The following PTDSS2 variants were observed in gnomAD, a reference collection of about 807,000 sequenced individuals.
The protein encoded by PTDSS2 is PSS-2.
A neutral mutation model predicts 64.7 loss-of-function variants in PTDSS2; 41 were observed. The observed-to-expected ratio is 0.63, with a 90% CI of 0.49 to 0.82. The LOEUF is 0.82. Among genes scored for constraint, PTDSS2 ranks in the 40% least tolerant of loss-of-function variants. The pLI is 0.00. For synonymous variants in PTDSS2, 297 were observed against 277.8 expected, an observed-to-expected ratio of 1.07 and a Z score of -0.69; for missense variants, 485 against 650.0, an observed-to-expected ratio of 0.75 and a Z score of 2.76.
At position 461,688 on chromosome 11, in the gene PTDSS2, C is replaced by T. The variant is rs1311369761; in HGVS notation, c.284+1400C>T. On this transcript the variant is annotated intron_variant, in intron 2 of 11. Transcript: ENST00000308020. The surrounding 1 kb of genome is among the most constrained non-coding windows in gnomAD (Gnocchi z 4.2). ...AGCTTGCTCCCAGGCCTGGCCTGGCCAGTGCCTCCCGTGCTCCAGGCCCAG... is the reference window on the plus strand; with the variant it reads ...AGCTTGCTCCCAGGCCTGGCCTGGCTAGTGCCTCCCGTGCTCCAGGCCCAG... Among the ~76,000 whole-genome samples, 1 of 151,882 alleles carries T rather than the reference C, an allele frequency of 6.6e-6. No homozygotes were observed. Among genetic ancestry groups the T allele is most frequent in the African/African-American group, 2.4e-5 (1 of 41,368 alleles).
At chr11:484,677 C>T (rs1848218750) in intron 4 of PTDSS2, among the ~76,000 whole-genome samples, 1 of 146,422 alleles carries the variant, frequency 6.8e-6, no homozygotes, top group Non-Finnish European at 1.5e-5. Flanking sequence ...CTGTAAACTG[C>T]ACGGGCGTGT....
intron 2 of PTDSS2, among the ~76,000 whole-genome samples, chr11:468,921 G>A (rs1404197216): frequency 6.7e-6 from 1 of 148,606 alleles, no homozygotes; most frequent in Non-Finnish European, 1.5e-5. Flanking sequence ...GAGGAGGGGA[G>A]TCTCTGGGTA....
At chr11:467,238 G>A (rs908447806) in intron 2 of PTDSS2, among the ~76,000 whole-genome samples, 2 of 152,188 alleles carry the variant, frequency 1.3e-5, no homozygotes, top group African/African-American at 4.8e-5. Context: ...ATGTTCACCA[G>A]GGAAGTTATT....
chr11:486,877 T>C lies in PTDSS2; in HGVS notation c.436-62T>C. 4 of 1,536,348 alleles carry C rather than the reference T, an allele frequency of 2.6e-6. No homozygotes were observed. In the East Asian group the frequency reaches 6.9e-5, roughly 26 times the overall value. Reference sequence around the variant, plus strand: ...AAATAAAATAAATAAACAACCATGATCTCCCGTTTCAAGTTGCCACCACTA... The same window carrying C: ...AAATAAAATAAATAAACAACCATGACCTCCCGTTTCAAGTTGCCACCACTA... On this transcript the variant is annotated intron_variant, in intron 4 of 11. Transcript: ENST00000308020.
In PTDSS2 at chr11:462,773, A is replaced by C. The variant is rs951934371; in HGVS notation, c.284+2485A>C. ...GTGTCCGCACACAGGGTGCCCACACACAGGGTGTCCCCACACAGGGTGTCC... is the reference window on the plus strand; with the variant it reads ...GTGTCCGCACACAGGGTGCCCACACCCAGGGTGTCCCCACACAGGGTGTCC... On this transcript the variant is annotated intron_variant, in intron 2 of 11. Transcript: ENST00000308020. This position sits in a 1 kb window ranked among gnomAD's most constrained non-coding sequence, Gnocchi z 4.5. Among the ~76,000 whole-genome samples the C allele has an allele frequency of 6.6e-6, 1 of 152,074 alleles. No individual in the cohort carries two copies. Among genetic ancestry groups the C allele is most frequent in the African/African-American group, 2.4e-5 (1 of 41,416 alleles).
intron 1 of PTDSS2, among the ~76,000 whole-genome samples, chr11:454,465 A>AGT (rs1846491733): frequency 6.6e-6 from 1 of 152,094 alleles, no homozygotes; most frequent in South Asian, 2.1e-4. Context: ...ACAAGGAGTG[A>AGT]GTGTTGGGTT....
At chr11:486,127 C>T (rs1848366061) in intron 4 of PTDSS2, among the ~76,000 whole-genome samples, 1 of 152,196 alleles carries the variant, frequency 6.6e-6, no homozygotes, top group Admixed American at 6.5e-5. Context: ...GCTGTGAGCA[C>T]AGGTGTCTGT....
At chr11:487,679 G>A (rs1848456177) in intron 6 of PTDSS2, among the ~76,000 whole-genome samples, 1 of 152,168 alleles carries the variant, frequency 6.6e-6, no homozygotes, top group Non-Finnish European at 1.5e-5. Context: ...TCCGTCCTCA[G>A]GGTCGGGGCG....
intron 1 of PTDSS2, among the ~76,000 whole-genome samples, chr11:452,736 T>C (rs1846397250): frequency 6.6e-6 from 1 of 152,124 alleles, no homozygotes; most frequent in African/African-American, 2.4e-5. Context: ...TTCACGCTTC[T>C]GGGTGGCAGG....
chr11:490,773 T>TGTGTACGTGTGTATGC lies in PTDSS2; in HGVS notation c.*196_*211dup, dbSNP rs1223116759. On this transcript the variant is annotated 3_prime_UTR_variant, in exon 12 of 12. Transcript: ENST00000308020. ...ACAGCCTCATCTCCATGTGTACACG[T>TGTGTACGTGTGTATGC]GTGTACGTGTGTATGCGTGTGTGTA... The TGTGTACGTGTGTATGC allele has an allele frequency of 4.8e-6, 3 of 618,934 alleles. No homozygotes were observed. The highest frequency in any genetic ancestry group is 8.5e-6 in the Non-Finnish European group (3 of 354,540). 38.3% of individuals were successfully genotyped at this position (618,934 alleles called of 1,614,324 possible).
intron 1 of PTDSS2, among the ~76,000 whole-genome samples, chr11:457,114 A>C (rs1846631210): frequency 1.3e-5 from 2 of 152,214 alleles, no homozygotes; most frequent in African/African-American, 4.8e-5. Context: ...CCCACATGGC[A>C]AGACCCCATC....
At chr11:455,130 G>A (rs1305679099) in intron 1 of PTDSS2, among the ~76,000 whole-genome samples, 1 of 152,152 alleles carries the variant, frequency 6.6e-6, no homozygotes, top group Admixed American at 6.5e-5. Flanking sequence ...GTTTCCTGCT[G>A]GTCTCTTGCA....
At position 488,212 on chromosome 11, in the gene PTDSS2, G is replaced by A. The variant is rs1188120604; in HGVS notation, c.635G>A (p.Arg212Gln). ...LGWYLKTLMIRDWWMCMIISV... is the reference protein window; with the variant it reads ...LGWYLKTLMIQDWWMCMIISV... ...TGGCGCCCACAGACCCTGATGATCC[G>A]AGACTGGTGGATGTGCATGATCATC... The change falls in exon 7 of 12, where the codon CGA becomes CAA. Residue 212 changes from arginine to glutamine, a missense_variant. Arg to Gln is a conservative substitution (Grantham distance 43, BLOSUM62 1). Transcript: ENST00000308020. 7 of 1,612,950 alleles carry A rather than the reference G, an allele frequency of 4.3e-6. No homozygotes were observed. The highest frequency in any genetic ancestry group is 1.1e-5 in the South Asian group (1 of 91,082).
Position 462,769 on chromosome 11 carries a change from A to G in PTDSS2, c.284+2481A>G, listed in dbSNP as rs1472284145. On this transcript the variant is annotated intron_variant, in intron 2 of 11. Coordinates refer to ENST00000308020, the MANE Select transcript of PTDSS2 (RefSeq NM_030783.3). This position sits in a 1 kb window ranked among gnomAD's most constrained non-coding sequence, Gnocchi z 4.5. ...GAGGGTGTCCGCACACAGGGTGCCC[A>G]CACACAGGGTGTCCCCACACAGGGT... Among the ~76,000 whole-genome samples the G allele has an allele frequency of 2.6e-5, 4 of 152,072 alleles. No individual in the cohort carries two copies. The highest frequency in any genetic ancestry group is 9.7e-5 in the African/African-American group (4 of 41,426).
Position 450,527 on chromosome 11 carries a change from G to C in PTDSS2, c.72G>C (p.Ser24=). Residue 24 remains serine (S), a synonymous_variant, in exon 1 of 12, where the codon TCG becomes TCC. Coordinates refer to ENST00000308020, the MANE Select transcript of PTDSS2 (RefSeq NM_030783.3). ...CCCCGGTGCCCGCGGGCAGGGCCTC[G>C]CTGGAGGAGCCGCCTGACGGGCCGT... ...PESPVPAGRA[S]LEEPPDGPSA... The C allele has an allele frequency of 8.1e-7, 1 of 1,240,964 alleles. No homozygotes were observed. The highest frequency in any genetic ancestry group is 3.2e-5 in the East Asian group (1 of 31,464). 76.9% of individuals were successfully genotyped at this position (1,240,964 alleles called of 1,614,324 possible).
At chr11:466,684 C>G (rs967587668) in intron 2 of PTDSS2, among the ~76,000 whole-genome samples, 4 of 152,106 alleles carry the variant, frequency 2.6e-5, no homozygotes, top group Non-Finnish European at 4.4e-5. Context: ...GCTGAGATTA[C>G]AGGTGTGAGC....
At chr11:471,719 G>A (rs922885423) in intron 2 of PTDSS2, among the ~76,000 whole-genome samples, 5 of 148,134 alleles carry the variant, frequency 3.4e-5, no homozygotes, top group Admixed American at 1.3e-4. Context: ...CTGGGGTGAC[G>A]TGGATGGCGG....
At chr11:481,871 T>G (rs1182870369) in intron 4 of PTDSS2, among the ~76,000 whole-genome samples, 5 of 151,896 alleles carry the variant, frequency 3.3e-5, no homozygotes, top group Non-Finnish European at 4.4e-5. Context: ...AGACTGAGTT[T>G]TGCTCTTGTT....
rs754262462 is a variant in PTDSS2, at chr11:490,006, C to T, written c.1239C>T (p.Ser413=). Residue 413 remains serine, a synonymous_variant, in exon 11 of 12, where the codon TCC becomes TCT. Transcript: ENST00000308020. ...CCCTGTCCCTGCCCTTCTACATCTC[C>T]CAGTGCTGGACCCTCGGCTCCGTCC... is the stretch of plus-strand genomic sequence containing the variant. ...TLTLSLPFYI[S]QCWTLGSVLA... is the part of the protein sequence containing the mutation. The T allele has an allele frequency of 1.9e-6, 3 of 1,612,118 alleles. No homozygotes were observed. The highest frequency in any genetic ancestry group is 2.5e-6 in the Non-Finnish European group (3 of 1,179,972).
Sources: allele counts gnomAD v4.1 joint callset (sites outside exome capture counted in the v4.1 genomes callset), GRCh38; gene constraint gnomAD v4.1.1; non-coding constraint Gnocchi (gnomAD v3.1); transcripts MANE v1.5; gene names NCBI Gene and HGNC (gene_info 2026-07-23, HGNC 2026-07-21).